Variants in MAGI1 observed in about 807,000 individuals in gnomAD.
MAGI1 encodes membrane associated guanylate kinase, WW and PDZ domain containing 1.
In MAGI1, 58 loss-of-function variants were observed where a neutral mutation model predicts 139.9. That is an observed-to-expected ratio of 0.41 (90% CI 0.34 to 0.52). MAGI1 has a LOEUF of 0.52. Ranked by LOEUF, MAGI1 falls within the 20% of genes least tolerant of loss-of-function variation. MAGI1 has a pLI of 0.12. For synonymous variants in MAGI1, 812 were observed against 737.9 expected (o/e 1.10, Z -1.63); for missense variants, 1,874 against 1,901.6 (o/e 0.99, Z 0.27).
intron 14 of MAGI1, chr3:65,387,103 A>G: frequency 2.6e-6 from 4 of 1,538,264 alleles, no homozygotes; most frequent in Non-Finnish European, 3.6e-6. Context: ...AAACAAGATG[A>G]ATGAAAACGG....
At chr3:65,993,845 T>C (rs1319470718) in intron 1 of MAGI1, among the ~76,000 whole-genome samples, 1 of 152,186 alleles carries the variant, frequency 6.6e-6, no homozygotes, top group Non-Finnish European at 1.5e-5. Flanking sequence ...AAATTCTACC[T>C]GATTGCAAGG....
intron 3 of MAGI1, among the ~76,000 whole-genome samples, chr3:65,491,183 G>A (rs762556604): frequency 2.0e-5 from 3 of 151,766 alleles, no homozygotes; most frequent in Non-Finnish European, 4.4e-5. Flanking sequence ...GGATCTGAGA[G>A]TCACACTGAG....
chr3:65,973,094 G>A (rs1293992890), intron 1 of MAGI1, among the ~76,000 whole-genome samples: 2 of 151,998 alleles, frequency 1.3e-5, no homozygotes, highest in East Asian at 1.9e-4. Flanking sequence ...AGGCTGCAGT[G>A]AGCTATGATC....
chr3:65,764,947 G>T (rs1396957235), intron 1 of MAGI1, among the ~76,000 whole-genome samples: 1 of 152,110 alleles, frequency 6.6e-6, no homozygotes. Flanking sequence ...ATTTTCTGGG[G>T]TTTCAGCACT....
At chr3:65,773,344 T>C (rs1286078342) in intron 1 of MAGI1, among the ~76,000 whole-genome samples, 1 of 151,120 alleles carries the variant, frequency 6.6e-6, no homozygotes. Context: ...ACTGGTCTAG[T>C]CAACACAGTG....
At chr3:65,637,556 A>AAAAGAAAAAGAAAGAAAG (rs1553684080) in intron 1 of MAGI1, among the ~76,000 whole-genome samples, 3 of 127,978 alleles carry the variant, frequency 2.3e-5, no homozygotes, top group African/African-American at 9.2e-5. Flanking sequence ...TGTCTCCAAA[A>AAAAGAAAAAGAAAGAAAG]AAAGAAAGAA....
chr3:65,429,482 T>TAA, intron 12 of MAGI1, 38 bp downstream of exon 12: 3 of 1,430,138 alleles, frequency 2.1e-6, no homozygotes, highest in South Asian at 1.4e-5. Context: ...GAATTTGGGA[T>TAA]AAAAAAAAAA....
At position 65,462,589 on chromosome 3, in the gene MAGI1, C is replaced by T. The variant is rs537178465; in HGVS notation, c.959+7694G>A. 6.6e-5 allele frequency among the ~76,000 whole-genome samples: 10 copies of T among 152,218 alleles called. No individual in the cohort carries two copies. In the South Asian group the frequency reaches 1.9e-3, roughly 28 times the overall value. ...CTTTGTTCTTTTTGCTTAGGATTGT[C>T]TTGGCTACATGCTCTTTTTCTGGTT... On this transcript the variant is annotated intron_variant, in intron 5 of 22. Coordinates refer to ENST00000402939, the MANE Select transcript of MAGI1 (RefSeq NM_001033057.2).
rs57720812 is a variant in MAGI1 at position 65,419,289 on chromosome 3, A to ATGTGTG, written c.2167+10225_2167+10230dup. ...CAAATTGTATTTCCCATTTTATGAA[A>ATGTGTG]TGTGTGTGTGTGTGTATGCATGTAT... On this transcript the variant is annotated intron_variant, in intron 12 of 22. Transcript: ENST00000402939. 4.6e-5 allele frequency among the ~76,000 whole-genome samples: 7 copies of ATGTGTG among 150,868 alleles called. No individual in the cohort carries two copies. In the South Asian group the frequency reaches 8.4e-4, roughly 18 times the overall value.
chr3:65,753,962 G>A (rs538397789), intron 1 of MAGI1, among the ~76,000 whole-genome samples: 1 of 152,258 alleles, frequency 6.6e-6, no homozygotes, highest in African/African-American at 2.4e-5. Context: ...AGACTGTAGA[G>A]AATGTCTGAC....
chr3:65,839,569 A>G (rs1166894962), intron 1 of MAGI1, among the ~76,000 whole-genome samples: 1 of 152,224 alleles, frequency 6.6e-6, no homozygotes, highest in Non-Finnish European at 1.5e-5. Context: ...AAATAAGCTG[A>G]GCCTAAGCTC....
intron 1 of MAGI1, among the ~76,000 whole-genome samples, chr3:65,667,276 G>C (rs2086591501): frequency 6.6e-6 from 1 of 152,202 alleles, no homozygotes; most frequent in Non-Finnish European, 1.5e-5. Context: ...GGGTGGACCA[G>C]CATGGGAGGG....
chr3:65,685,757 C>A (rs1186144696), intron 1 of MAGI1, among the ~76,000 whole-genome samples: 1 of 152,170 alleles, frequency 6.6e-6, no homozygotes, highest in African/African-American at 2.4e-5. Context: ...GTATGTTGCT[C>A]TGAATAACTG....
At position 65,364,937 on chromosome 3, in the gene MAGI1, T is replaced by A. The variant is rs147286102; in HGVS notation, c.3206A>T (p.Asn1069Ile). 1.9e-6 allele frequency: 3 copies of A among 1,613,704 alleles called. No homozygotes were observed. The highest frequency in any genetic ancestry group is 1.3e-5 in the African/African-American group (1 of 74,862). ...LRIIPGDESS[N>I]ATLLTNAEKI... ...CTCTGCATTGGTCAGCAAGGTGGCA[T>A]TCGAGGACTCTGCAAAGAGGGACAG... Residue 1069 changes from asparagine to isoleucine, a missense_variant, in exon 19 of 23, where the codon AAT (asparagine) becomes ATT (isoleucine). Asn to Ile is a moderately radical substitution (Grantham distance 149, BLOSUM62 -3). Transcript: ENST00000402939.
intron 12 of MAGI1, among the ~76,000 whole-genome samples, chr3:65,419,221 T>TACACACACACACACACACAC (rs71102854): frequency 1.4e-3 from 119 of 86,274 alleles, no homozygotes; most frequent in East Asian, 4.6e-3. Context: ...AACACATTCA[T>TACACACACACACACACACAC]ACACACACAC....
intron 1 of MAGI1, among the ~76,000 whole-genome samples, chr3:65,937,135 A>G (rs901195998): frequency 6.6e-6 from 1 of 152,228 alleles, no homozygotes; most frequent in Non-Finnish European, 1.5e-5. Flanking sequence ...TCATCAGGGA[A>G]ATAAACTAGC....
chr3:65,899,402 A>G (rs1172476244), intron 1 of MAGI1, among the ~76,000 whole-genome samples: 1 of 152,222 alleles, frequency 6.6e-6, no homozygotes, highest in Admixed American at 6.5e-5. Flanking sequence ...CATTATGACC[A>G]TTCCGCTGAA....
chr3:65,491,581 TTCTC>T (rs751848187), intron 3 of MAGI1, among the ~76,000 whole-genome samples: 2 of 152,148 alleles, frequency 1.3e-5, no homozygotes, highest in African/African-American at 4.8e-5. Context: ...ATGAGGACAT[TTCTC>T]TCTCTGCTAA....
chr3:65,879,767 C>G (rs532596241), intron 1 of MAGI1, among the ~76,000 whole-genome samples: 3 of 152,166 alleles, frequency 2.0e-5, no homozygotes, highest in Non-Finnish European at 4.4e-5. Context: ...TTATTATTCC[C>G]ACTTTACAGA....
Sources: allele counts gnomAD v4.1 joint callset (sites outside exome capture counted in the v4.1 genomes callset), GRCh38; gene constraint gnomAD v4.1.1; transcripts MANE v1.5; gene names NCBI Gene and HGNC (gene_info 2026-07-23, HGNC 2026-07-21).